Variants in ANO4 observed in about 807,000 individuals in gnomAD.
The protein encoded by ANO4 is anoctamin-4.
Under a neutral mutation model 141.9 loss-of-function variants are expected in ANO4, and 69 were observed. The observed-to-expected ratio is 0.49, with a 90% confidence interval of 0.40 to 0.59. The LOEUF is 0.59. ANO4 is among the 20% of genes least tolerant of loss of function. ANO4 has a pLI of 0.00. For missense variants in ANO4, 894 were observed against 1,162.2 expected, an observed-to-expected ratio of 0.77 and a Z score of 3.36; for synonymous variants, 350 against 394.3, an observed-to-expected ratio of 0.89 and a Z score of 1.33.
chr12:100,864,546 G>A (rs2038653506), intron 1 of ANO4, among the ~76,000 whole-genome samples: 1 of 152,070 alleles, frequency 6.6e-6, no homozygotes, highest in Admixed American at 6.6e-5. Flanking sequence ...TCCTTTCGTA[G>A]GATTCTCAGC....
intron 9 of ANO4, among the ~76,000 whole-genome samples, chr12:101,033,122 G>C (rs920521903): frequency 9.2e-5 from 14 of 152,168 alleles, no homozygotes; most frequent in African/African-American, 3.4e-4. Flanking sequence ...ATACACCATG[G>C]AATACTATGC....
chr12:100,887,923 A>G (rs10860654), intron 1 of ANO4, among the ~76,000 whole-genome samples: 62,272 of 151,986 alleles, frequency 0.41, 13,815 homozygotes, highest in African/African-American at 0.59. Flanking sequence ...GCCTAAGTCC[A>G]CAGAACACAA....
intron 3 of ANO4, among the ~76,000 whole-genome samples, chr12:100,923,139 C>CT (rs1330965179): frequency 6.6e-6 from 1 of 151,876 alleles, no homozygotes; most frequent in East Asian, 1.9e-4. Flanking sequence ...ATTTTCTTTT[C>CT]TTTTTTTATT....
At chr12:100,834,288 C>A (rs1282809743) in intron 1 of ANO4, among the ~76,000 whole-genome samples, 2 of 152,106 alleles carry the variant, frequency 1.3e-5, no homozygotes, top group Non-Finnish European at 2.9e-5. Context: ...CTTTCGACTG[C>A]CCTAGTACGA....
chr12:101,033,668 G>T (rs1222096076), intron 9 of ANO4, among the ~76,000 whole-genome samples: 1 of 152,096 alleles, frequency 6.6e-6, no homozygotes, highest in Non-Finnish European at 1.5e-5. Context: ...AAGAGCTTCT[G>T]CACAGCAAAA....
upstream of ANO4, among the ~76,000 whole-genome samples, chr12:100,793,351 A>T (rs886658840): frequency 1.3e-5 from 2 of 152,164 alleles, no homozygotes; most frequent in Admixed American, 1.3e-4. Flanking sequence ...TTCATCTTTG[A>T]TGTGGAACAT....
intron 3 of ANO4, among the ~76,000 whole-genome samples, chr12:100,783,673 C>A (rs2033775759): frequency 6.6e-6 from 1 of 152,110 alleles, no homozygotes; most frequent in Non-Finnish European, 1.5e-5. Context: ...TGAGCAGGCA[C>A]AAGAACCATG....
chr12:101,017,492 A>G (rs534391327), intron 8 of ANO4, among the ~76,000 whole-genome samples: 146 of 152,300 alleles, frequency 9.6e-4, no homozygotes, highest in African/African-American at 3.4e-3. Flanking sequence ...TCTGGGGAAG[A>G]TATGGCCTGA....
intron 3 of ANO4, among the ~76,000 whole-genome samples, chr12:100,778,328 A>T (rs1319255395): frequency 1.3e-5 from 2 of 152,002 alleles, no homozygotes; most frequent in African/African-American, 4.8e-5. Flanking sequence ...GTATGCTTGA[A>T]TTTTTTCTGG....
At chr12:100,746,674 TCCTA>T (rs1292175167) in intron 3 of ANO4, among the ~76,000 whole-genome samples, 11 of 152,236 alleles carry the variant, frequency 7.2e-5, no homozygotes, top group African/African-American at 2.4e-4. Flanking sequence ...CTGCTAAACA[TCCTA>T]CATGCACAAG....
At chr12:100,832,333 T>G (rs2135778202) in intron 1 of ANO4, among the ~76,000 whole-genome samples, 1 of 152,242 alleles carries the variant, frequency 6.6e-6, no homozygotes, top group South Asian at 2.1e-4. Context: ...AACCCTTGAC[T>G]AAAACTGTCT....
chr12:101,124,704 C>CA (rs1341897294), intron 26 of ANO4, among the ~76,000 whole-genome samples: 1 of 152,162 alleles, frequency 6.6e-6, no homozygotes, highest in Non-Finnish European at 1.5e-5. Context: ...CCAGTTCTCC[C>CA]AAAACCATTT....
chr12:100,750,075 C>G (rs2032302785), intron 3 of ANO4, among the ~76,000 whole-genome samples: 1 of 151,996 alleles, frequency 6.6e-6, no homozygotes, highest in Admixed American at 6.6e-5. Context: ...ACTGCAGATC[C>G]TCATCCAGTA....
At chr12:101,086,604 C>T (rs1418273383) in intron 16 of ANO4, 56 bp from the exon 17 acceptor site, 2 of 1,598,200 alleles carry the variant, frequency 1.3e-6, no homozygotes, top group African/African-American at 1.3e-5. Flanking sequence ...GAATGTGAAT[C>T]CTCTTCCTGT....
intron 1 of ANO4, among the ~76,000 whole-genome samples, chr12:100,869,067 G>T (rs1413080861): frequency 6.6e-6 from 1 of 152,142 alleles, no homozygotes; most frequent in Non-Finnish European, 1.5e-5. Flanking sequence ...GGCTTTAATT[G>T]TCCAATTAGG....
At chr12:101,125,907 G>T (rs891706548) in intron 26 of ANO4, among the ~76,000 whole-genome samples, 2 of 152,168 alleles carry the variant, frequency 1.3e-5, no homozygotes, top group Non-Finnish European at 2.9e-5. Flanking sequence ...CCTCATAAAT[G>T]AGTTAAGGAG....
At chr12:100,895,313 A>T (rs577333838) in intron 1 of ANO4, among the ~76,000 whole-genome samples, 5 of 152,156 alleles carry the variant, frequency 3.3e-5, no homozygotes, top group Non-Finnish European at 7.3e-5. Flanking sequence ...CATTGACAGA[A>T]CGACAAATGT....
chr12:100,946,297 A>C (rs2042717160), intron 5 of ANO4, among the ~76,000 whole-genome samples: 1 of 152,138 alleles, frequency 6.6e-6, no homozygotes, highest in African/African-American at 2.4e-5. Flanking sequence ...GAAATATAAG[A>C]TCTGTTTTCT....
chr12:101,005,065 A>G (rs1487818803), intron 8 of ANO4, among the ~76,000 whole-genome samples: 1 of 152,234 alleles, frequency 6.6e-6, no homozygotes, highest in Non-Finnish European at 1.5e-5. Context: ...CTCAGCTCAT[A>G]TAAAAATGAG....
Sources: allele counts gnomAD v4.1 joint callset (sites outside exome capture counted in the v4.1 genomes callset), GRCh38; gene constraint gnomAD v4.1.1; transcripts MANE v1.5; gene names NCBI Gene and HGNC (gene_info 2026-07-23, HGNC 2026-07-21).